The following VPS13B variants were observed in gnomAD, a reference collection of about 807,000 sequenced individuals.
VPS13B encodes the protein vacuolar protein sorting 13 homolog B.
In VPS13B, 285 loss-of-function variants were observed where a neutral mutation model predicts 426.4. The ratio of observed to expected loss-of-function variants is 0.67; its 90% CI spans 0.61 to 0.74. The LOEUF (loss-of-function observed/expected upper bound fraction) is 0.74, where lower values mean the gene tolerates loss of function less well. VPS13B is among the 30% of genes least tolerant of loss of function. VPS13B has a pLI of 0.00. For synonymous variants in VPS13B, 1,676 were observed against 1,676.4 expected (o/e 1.00, Z 0.01); for missense variants, 4,537 against 4,782.6 (o/e 0.95, Z 1.51).
rs138279827 is a variant in VPS13B, at chr8:99,371,268, C to T, written c.2825-12940C>T. Among the ~76,000 whole-genome samples the T allele has an allele frequency of 6.1e-3, 926 of 152,218 alleles. 13 individuals are homozygous for T. The highest frequency in any genetic ancestry group is 0.021 in the African/African-American group (882 of 41,530). Reference sequence around the variant, plus strand: ...TTTTTAATATTAAGCAATTTATTTCCTTAGCATAGATTTCTGGAAATGGAA... The same window carrying T: ...TTTTTAATATTAAGCAATTTATTTCTTTAGCATAGATTTCTGGAAATGGAA... On this transcript the variant is annotated intron_variant, in intron 19 of 61. Coordinates refer to ENST00000357162, the MANE Select transcript of VPS13B (RefSeq NM_152564.5).
At chr8:99,643,105 A>T (rs1220487844) in intron 34 of VPS13B, among the ~76,000 whole-genome samples, 1 of 152,152 alleles carries the variant, frequency 6.6e-6, no homozygotes, top group Non-Finnish European at 1.5e-5. Flanking sequence ...GCCTGTTGAG[A>T]CTAGGAAAGT....
chr8:99,514,514 T>C (rs931305845), intron 29 of VPS13B, among the ~76,000 whole-genome samples: 1 of 152,230 alleles, frequency 6.6e-6, no homozygotes, highest in Non-Finnish European at 1.5e-5. Context: ...AGAAATTTCA[T>C]GTAAGTGGAA....
chr8:99,695,670 C>T (rs1831941712), intron 35 of VPS13B, among the ~76,000 whole-genome samples: 1 of 135,322 alleles, frequency 7.4e-6, no homozygotes, highest in Admixed American at 7.7e-5. Context: ...GCACAATGTG[C>T]ACATGTACCC....
At chr8:99,135,915 CT>C (rs1037625308) in intron 11 of VPS13B, among the ~76,000 whole-genome samples, 182 bp downstream of exon 11, 40 of 152,016 alleles carry the variant, frequency 2.6e-4, no homozygotes, top group African/African-American at 9.4e-4. Flanking sequence ...GCACAGAGAT[CT>C]TTTATTGAAT....
chr8:99,526,119 G>A (rs1190684420), intron 30 of VPS13B, among the ~76,000 whole-genome samples: 2 of 148,830 alleles, frequency 1.3e-5, no homozygotes. Flanking sequence ...GTGGGGATGG[G>A]GATCACCAGC....
At chr8:99,082,763 G>A (rs1845553652) in intron 3 of VPS13B, among the ~76,000 whole-genome samples, 1 of 152,172 alleles carries the variant, frequency 6.6e-6, no homozygotes, top group Admixed American at 6.6e-5. Context: ...TCAAAGATCA[G>A]ATGATTGTAG....
At chr8:99,660,780 A>G (rs1194052622) in intron 34 of VPS13B, among the ~76,000 whole-genome samples, 1 of 152,070 alleles carries the variant, frequency 6.6e-6, no homozygotes, top group Non-Finnish European at 1.5e-5. Flanking sequence ...GAAAAAGCTC[A>G]TTTTCATTAT....
chr8:99,129,275 A>G (rs970415359), intron 8 of VPS13B, among the ~76,000 whole-genome samples: 10 of 151,738 alleles, frequency 6.6e-5, no homozygotes, highest in Non-Finnish European at 1.5e-4. Context: ...ATATAATAAA[A>G]TAAGATATTA....
intron 3 of VPS13B, among the ~76,000 whole-genome samples, chr8:99,057,004 A>C (rs139256790): frequency 6.6e-6 from 1 of 151,860 alleles, no homozygotes. Context: ...CATATGTTTA[A>C]TTTTTTATTT....
chr8:99,723,479 A>C (rs995351600), intron 39 of VPS13B, among the ~76,000 whole-genome samples: 4 of 152,162 alleles, frequency 2.6e-5, no homozygotes, highest in African/African-American at 9.7e-5. Context: ...AAATATTCCA[A>C]AATCTGAAAA....
At chr8:99,633,357 C>G (rs773039464) in intron 33 of VPS13B, among the ~76,000 whole-genome samples, 1 of 152,056 alleles carries the variant, frequency 6.6e-6, no homozygotes, top group Non-Finnish European at 1.5e-5. Context: ...ACAAACTTTT[C>G]TGTGACTTAC....
intron 19 of VPS13B, among the ~76,000 whole-genome samples, chr8:99,282,040 T>C (rs1482252770): frequency 6.6e-6 from 1 of 152,148 alleles, no homozygotes; most frequent in Non-Finnish European, 1.5e-5. Context: ...CTAAACTCAG[T>C]ATAATTTTTT....
rs576563006 is a variant in VPS13B at position 99,275,452 on chromosome 8, G to A, written c.2824+198G>A. The stretch of plus-strand genomic sequence containing the variant: ...TAATTGAAATGTGTTTATAAATAAT[G>A]ATTTTATTTATATGAGAGAATTTAG... On this transcript the variant is annotated intron_variant, in intron 19 of 61. Coordinates refer to ENST00000357162, the MANE Select transcript of VPS13B (RefSeq NM_152564.5). Among the ~76,000 whole-genome samples the A allele has an allele frequency of 5.5e-4, 84 of 151,562 alleles. 1 individual carries two copies. The highest frequency in any genetic ancestry group is 6.3e-4 in the Non-Finnish European group (43 of 67,850).
intron 28 of VPS13B, 104 bp from the exon 29 acceptor site, chr8:99,511,000 G>C: frequency 1.6e-6 from 2 of 1,281,240 alleles, no homozygotes; most frequent in Non-Finnish European, 2.2e-6. Context: ...TGTAGGGTAA[G>C]ACCAAGAGGT....
chr8:99,200,558 T>C (rs1814250879), intron 17 of VPS13B, among the ~76,000 whole-genome samples: 1 of 152,146 alleles, frequency 6.6e-6, no homozygotes, highest in South Asian at 2.1e-4. Flanking sequence ...CACATCCTCC[T>C]CATATTGTTA....
At position 99,817,616 on chromosome 8, in the gene VPS13B, T is replaced by C. The variant is rs1296917597; in HGVS notation, c.8174T>C (p.Ile2725Thr). ...SIELKVVQHY[I>T]GQDGQAVVRE... ...GAACTAAAAGTCGTTCAGCATTACA[T>C]TGGTCAAGATGGACAAGCTGTAGTT... The change falls in exon 45 of 62, where the codon ATT (isoleucine) becomes ACT (threonine). Residue 2725 changes from isoleucine (I) to threonine (T), a missense_variant. This residue lies in a region of VPS13B where 4,311 missense variants were observed against 4,474.3 expected (regional missense o/e 0.96). Coordinates refer to ENST00000357162, the MANE Select transcript of VPS13B (RefSeq NM_152564.5). 6.2e-7 allele frequency: 1 copy of C among 1,614,046 alleles called. No homozygotes were observed. The highest frequency in any genetic ancestry group is 1.7e-5 in the Admixed American group (1 of 60,012).
chr8:99,167,143 T>C (rs1812052365), intron 15 of VPS13B, among the ~76,000 whole-genome samples: 1 of 152,198 alleles, frequency 6.6e-6, no homozygotes, highest in African/African-American at 2.4e-5. Flanking sequence ...ATGATTGAGT[T>C]AAATAATCTC....
intron 35 of VPS13B, among the ~76,000 whole-genome samples, chr8:99,686,950 C>T (rs1015498317): frequency 1.1e-4 from 16 of 152,040 alleles, no homozygotes; most frequent in Admixed American, 9.2e-4. Flanking sequence ...GCCATCACAG[C>T]TGGGAATGTG....
chr8:99,806,944 G>T (rs1378261799), intron 43 of VPS13B, among the ~76,000 whole-genome samples: 1 of 152,142 alleles, frequency 6.6e-6, no homozygotes, highest in Non-Finnish European at 1.5e-5. Flanking sequence ...AGTACTGCTA[G>T]GCCTCCTGAA....
Sources: allele counts gnomAD v4.1 joint callset (sites outside exome capture counted in the v4.1 genomes callset), GRCh38; gene constraint gnomAD v4.1.1; regional missense constraint gnomAD v4.1.1; transcripts MANE v1.5; gene names NCBI Gene and HGNC (gene_info 2026-07-23, HGNC 2026-07-21).